DGKZ: variants seen among roughly 807,000 people sequenced by gnomAD.
The protein encoded by DGKZ is DAG kinase zeta.
In DGKZ, 45 loss-of-function variants were observed where a neutral mutation model predicts 142.5. The observed-to-expected ratio is 0.32, with a 90% CI of 0.25 to 0.40. The LOEUF (loss-of-function observed/expected upper bound fraction) is 0.40. DGKZ is among the 10% of genes least tolerant of loss of function. The pLI is 1.00. For missense variants in DGKZ, 755 were observed against 1,306.5 expected, an observed-to-expected ratio of 0.58 and a Z score of 6.51; for synonymous variants, 442 against 527.0, an observed-to-expected ratio of 0.84 and a Z score of 2.21.
intron 4 of DGKZ, chr11:46,369,198 A>G (rs75891653): frequency 2.1e-6 from 1 of 480,950 alleles, no homozygotes; most frequent in East Asian, 3.8e-5. Flanking sequence ...CAAAAAAAAA[A>G]CAACGAGCAA....
At position 46,367,782 on chromosome 11, in the gene DGKZ, G is replaced by A. The variant is rs767597325; in HGVS notation, c.366+35G>A. ...CGTAGGGGCACGCCGCCCCCTGCTGGTGGAGCCAGTAGCCGCAGCCCTTCC... is the reference window on the plus strand; with the variant it reads ...CGTAGGGGCACGCCGCCCCCTGCTGATGGAGCCAGTAGCCGCAGCCCTTCC... On this transcript the variant is annotated intron_variant, in intron 3 of 30. Coordinates refer to ENST00000527911, the Ensembl canonical transcript of DGKZ. The surrounding 1 kb of genome is among the most constrained non-coding windows in gnomAD (Gnocchi z 4.1). 3.1e-6 allele frequency: 5 copies of A among 1,609,832 alleles called. No homozygotes were observed. In the East Asian group the frequency reaches 1.1e-4, roughly 36 times the overall value.
At chr11:46,335,121 C>T (rs1939950284) in intron 1 of DGKZ, among the ~76,000 whole-genome samples, 1 of 152,074 alleles carries the variant, frequency 6.6e-6, no homozygotes, top group Non-Finnish European at 1.5e-5. Flanking sequence ...CAAGACCAGC[C>T]TGGCCAACAT....
At chr11:46,352,130 C>A (rs139381120) in intron 1 of DGKZ, among the ~76,000 whole-genome samples, 2 of 152,222 alleles carry the variant, frequency 1.3e-5, no homozygotes, top group African/African-American at 2.4e-5. Flanking sequence ...CCAGTGGCCC[C>A]CCCGGGGCAG....
chr11:46,379,443 T>G (rs1289779521), intron 29 of DGKZ, 26 bp from the exon 30 acceptor site: 1 of 1,599,794 alleles, frequency 6.3e-7, no homozygotes, highest in Non-Finnish European at 8.5e-7. Flanking sequence ...CGGGATGGGG[T>G]ACACAGCCAG....
chr11:46,333,532 C>A, intron 1 of DGKZ: 1 of 1,512,176 alleles, frequency 6.6e-7, no homozygotes, highest in Non-Finnish European at 8.9e-7. Flanking sequence ...TTGGGACCAC[C>A]CCTCTTGCAG....
At chr11:46,368,455 C>T in intron 4 of DGKZ, 1 of 358,170 alleles carries the variant, frequency 2.8e-6, no homozygotes, top group South Asian at 2.1e-5. Flanking sequence ...GAGACCTTTC[C>T]CCAAGGGCCA....
rs1026048523 is a variant in DGKZ, at chr11:46,347,475, A to AGCG, written c.-176_-174dup. ...GGCCGCGGCTGGCGGCACTTCCTGG[A>AGCG]GCGGCGGCGGCAGCGGCTTCCCGGG... On this transcript the variant is annotated 5_prime_UTR_variant, in exon 1 of 31. Coordinates refer to ENST00000527911, the Ensembl canonical transcript of DGKZ. The surrounding 1 kb of genome is among the most constrained non-coding windows in gnomAD (Gnocchi z 6.4). 2.3e-5 allele frequency: 23 copies of AGCG among 981,442 alleles called. No homozygotes were observed. The African/African-American group carries it at 3.9e-4, about 17-fold the overall frequency. 60.8% of individuals were successfully genotyped at this position (981,442 alleles called of 1,614,324 possible). A position where few individuals can be genotyped will look rare whatever the true frequency, so the allele number is the denominator to read the frequency against.
rs1940857952 is a variant in DGKZ at position 46,347,872 on chromosome 11, C to T, written c.161+52C>T. The stretch of plus-strand genomic sequence containing the variant: ...ACCGAGGCACCGGCAGGTTACCGCT[C>T]CCTCACCGGGGGACATTCCTCGGCC... On this transcript the variant is annotated intron_variant, in intron 1 of 30. Transcript: ENST00000527911. This position sits in a 1 kb window ranked among gnomAD's most constrained non-coding sequence, Gnocchi z 6.4. The T allele has an allele frequency of 1.6e-6, 2 of 1,269,398 alleles. No homozygotes were observed. The highest frequency in any genetic ancestry group is 1.6e-5 in the African/African-American group (1 of 64,412). 78.6% of individuals were successfully genotyped at this position (1,269,398 alleles called of 1,614,324 possible).
chr11:46,347,518 C>G lies in DGKZ; in HGVS notation c.-142C>G, dbSNP rs1261327203. On this transcript the variant is annotated 5_prime_UTR_variant, in exon 1 of 31. Transcript: ENST00000527911. This position sits in a 1 kb window ranked among gnomAD's most constrained non-coding sequence, Gnocchi z 6.4. The stretch of plus-strand genomic sequence containing the variant: ...TTCCCGGGCACCTGGGCGTGGGGAG[C>G]GGGGGCGCGCGGCGCGGGGCGGGCG... 15 of 982,248 alleles carry G rather than the reference C, an allele frequency of 1.5e-5. No homozygotes were observed. The highest frequency in any genetic ancestry group is 1.8e-5 in the Non-Finnish European group (15 of 829,056). 60.8% of individuals were successfully genotyped at this position (982,248 alleles called of 1,614,324 possible).
chr11:46,355,335 C>T (rs1565017509), intron 1 of DGKZ, among the ~76,000 whole-genome samples: 2 of 152,110 alleles, frequency 1.3e-5, no homozygotes, highest in Non-Finnish European at 2.9e-5. Flanking sequence ...GTCTCGATCT[C>T]CCGACCTCGT....
At chr11:46,333,625 C>G (rs1459664999) in intron 1 of DGKZ, 6 of 804,356 alleles carry the variant, frequency 7.5e-6, no homozygotes, top group Non-Finnish European at 1.2e-5. Flanking sequence ...GGATCTCTGT[C>G]TTTTCGTGTA....
At chr11:46,371,819 G>A (rs752598605) in intron 9 of DGKZ, 44 bp downstream of exon 9, 3 of 1,587,020 alleles carry the variant, frequency 1.9e-6, no homozygotes, top group Non-Finnish European at 1.7e-6. Flanking sequence ...GCAGGAGAGA[G>A]GGGTCTGTTG....
At chr11:46,354,504 CTT>C (rs1376398522) in intron 1 of DGKZ, among the ~76,000 whole-genome samples, 1 of 152,170 alleles carries the variant, frequency 6.6e-6, no homozygotes, top group East Asian at 1.9e-4. Context: ...CCTCTGGAGT[CTT>C]TTTAAGAAAT....
chr11:46,357,627 G>A (rs1447917698), intron 1 of DGKZ, among the ~76,000 whole-genome samples: 1 of 152,258 alleles, frequency 6.6e-6, no homozygotes, highest in Non-Finnish European at 1.5e-5. Flanking sequence ...TGGACTCACT[G>A]CCAGGCACCA....
intron 25 of DGKZ, chr11:46,377,609 C>T (rs1245166102): frequency 1.2e-5 from 3 of 255,620 alleles, no homozygotes; most frequent in Non-Finnish European, 2.3e-5. Context: ...AAATGCAGAG[C>T]ATACCAGGCC....
rs755303472 is a variant in DGKZ, at chr11:46,367,810, G to A, written c.366+63G>A. The A allele has an allele frequency of 3.6e-5, 58 of 1,601,330 alleles. No individual in the cohort carries two copies. Among genetic ancestry groups the A allele is most frequent in the Non-Finnish European group, 4.9e-5 (57 of 1,170,542 alleles). On this transcript the variant is annotated intron_variant, in intron 3 of 30. Coordinates refer to ENST00000527911, the Ensembl canonical transcript of DGKZ. The surrounding 1 kb of genome is among the most constrained non-coding windows in gnomAD (Gnocchi z 4.1). ...GAGCCAGTAGCCGCAGCCCTTCCGGGAACGTGGGATTGAGCCCGCTCCCTG... is the reference window on the plus strand; with the variant it reads ...GAGCCAGTAGCCGCAGCCCTTCCGGAAACGTGGGATTGAGCCCGCTCCCTG...
rs753795710 is a variant in DGKZ at position 46,370,029 on chromosome 11, G to A, written c.570+20G>A. 1.9e-6 allele frequency: 3 copies of A among 1,613,278 alleles called. No homozygotes were observed. The highest frequency in any genetic ancestry group is 3.3e-5 in the Admixed American group (2 of 60,006). On this transcript the variant is annotated intron_variant, in intron 6 of 30. Coordinates refer to ENST00000527911, the Ensembl canonical transcript of DGKZ. ...GGGAAGGTGAGAGGCCCTGCCCGAG[G>A]ACATCGCCACCTGCACCTGCGGTCC... is the stretch of plus-strand genomic sequence containing the variant.
chr11:46,376,005 G>A lies in DGKZ; in HGVS notation c.2011+54G>A, dbSNP rs556842314. On this transcript the variant is annotated intron_variant, in intron 21 of 30. Coordinates refer to ENST00000527911, the Ensembl canonical transcript of DGKZ. ...TGGCCAGGAGGGGCTGAAGCAGCCG[G>A]GGCCCCCTTGGGCAGGGCTGTGGGG... 9.9e-5 allele frequency: 160 copies of A among 1,611,802 alleles called. No homozygotes were observed. In the Middle Eastern group the frequency reaches 1.4e-3, roughly 14 times the overall value.
Position 46,370,107 on chromosome 11 carries a change from G to A in DGKZ, c.570+98G>A, listed in dbSNP as rs867402127. 3 of 1,471,428 alleles carry A rather than the reference G, an allele frequency of 2.0e-6. No homozygotes were observed. In the Middle Eastern group the frequency reaches 5.2e-4, roughly 256 times the overall value. 91.1% of individuals were successfully genotyped at this position (1,471,428 alleles called of 1,614,324 possible). On this transcript the variant is annotated intron_variant, in intron 6 of 30. Transcript: ENST00000527911. ...CCTGCCGATCACTGACCACACCCTG[G>A]TGTGCAGAGTCCGGGGCTGACCCTC... is the stretch of plus-strand genomic sequence containing the variant.
Sources: allele counts gnomAD v4.1 joint callset (sites outside exome capture counted in the v4.1 genomes callset), GRCh38; gene constraint gnomAD v4.1.1; non-coding constraint Gnocchi (gnomAD v3.1); transcripts MANE v1.5; gene names NCBI Gene and HGNC (gene_info 2026-07-23, HGNC 2026-07-21).